AKAP9: variants seen among roughly 807,000 people sequenced by gnomAD.
AKAP9 encodes A-kinase anchoring protein 9, also known as A-kinase anchor protein 9.
A neutral mutation model predicts 488.5 loss-of-function variants in AKAP9; 311 were observed. That is an observed-to-expected ratio of 0.64 (90% CI 0.58 to 0.70). The LOEUF is 0.70. AKAP9 is among the 30% of genes least tolerant of loss of function. The pLI is 0.00. For missense variants in AKAP9, 4,215 were observed against 4,374.5 expected (o/e 0.96, Z 1.03); for synonymous variants, 1,462 against 1,483.5 (o/e 0.99, Z 0.33).
In AKAP9 at chr7:92,061,284, A is replaced by G; in HGVS notation, c.5626A>G (p.Thr1876Ala). ...SQLEHAKVTQ[T>A]ELMRESFRQK... ...GCTTGAACATGCGAAAGTGACACAG[A>G]CAGAGTTGATGCGTGAGTCATTTAG... The change falls in exon 23 of 50, where the codon ACA becomes GCA. Residue 1876 changes from threonine to alanine, a missense_variant. Thr to Ala is a moderately conservative substitution (Grantham distance 58). Transcript: ENST00000356239. 6.2e-7 allele frequency: 1 copy of G among 1,612,726 alleles called. No homozygotes were observed. Among genetic ancestry groups the G allele is most frequent in the Non-Finnish European group, 8.5e-7 (1 of 1,179,130 alleles).
rs1317491861 is a variant in AKAP9 at position 92,002,834 on chromosome 7, A to G, written c.2917A>G (p.Ile973Val). 3.7e-6 allele frequency: 6 copies of G among 1,613,528 alleles called. No homozygotes were observed. In the South Asian group the frequency reaches 6.6e-5, roughly 18 times the overall value. Residue 973 changes from isoleucine to valine, a missense_variant, in exon 8 of 50, where the codon ATT becomes GTT. Physicochemically the swap from Ile to Val is conservative, Grantham distance 29. Around this residue, in one of 5 missense-constraint regions of AKAP9, gnomAD observed 2,361 missense variants for 2,430.0 expected, o/e 0.97. Transcript: ENST00000356239. ...ACAATTGAAACAGAAACATGGTGAG[A>G]TTAGTTTTCTAAATGAAGAAGTTAA... The part of the protein sequence containing the change: ...SEQLKQKHGE[I>V]SFLNEEVKSL...
intron 20 of AKAP9, chr7:92,043,520 T>G (rs1261654500): frequency 1.2e-5 from 2 of 164,942 alleles, no homozygotes; most frequent in Admixed American, 6.6e-5. Context: ...AAAATGAGTA[T>G]TTTTTTTTAA....
chr7:92,041,073 A>AT, intron 18 of AKAP9, 175 bp downstream of exon 18: 1 of 586,382 alleles, frequency 1.7e-6, no homozygotes, highest in Non-Finnish European at 3.0e-6. Context: ...ACTCTATACT[A>AT]AGACAGCAGC....
At chr7:92,073,895 A>G (rs1356117384) in intron 28 of AKAP9, among the ~76,000 whole-genome samples, 1 of 152,194 alleles carries the variant, frequency 6.6e-6, no homozygotes, top group Non-Finnish European at 1.5e-5. Context: ...ATTAAAGACT[A>G]AGACCTAAAA....
chr7:92,039,755 A>G (rs1000336147), intron 17 of AKAP9, among the ~76,000 whole-genome samples: 2 of 152,196 alleles, frequency 1.3e-5, no homozygotes, highest in Non-Finnish European at 2.9e-5. Flanking sequence ...CAGGTGGATC[A>G]CTTGAGGTCA....
chr7:92,080,609 A>G (rs77863459), intron 31 of AKAP9, among the ~76,000 whole-genome samples: 18,164 of 151,354 alleles, frequency 0.12, 1,248 homozygotes, highest in East Asian at 0.37. Context: ...CAAAAAAAAA[A>G]AAGAAGAAGA....
At chr7:91,998,114 C>T (rs999291533) in intron 7 of AKAP9, among the ~76,000 whole-genome samples, 7 of 152,122 alleles carry the variant, frequency 4.6e-5, no homozygotes, top group African/African-American at 1.7e-4. Context: ...CTAGATCCTT[C>T]ACATGCACAG....
At chr7:92,033,010 A>C (rs1804544239) in intron 16 of AKAP9, among the ~76,000 whole-genome samples, 1 of 152,224 alleles carries the variant, frequency 6.6e-6, no homozygotes, top group African/African-American at 2.4e-5. Flanking sequence ...TTGGCTTAGT[A>C]GCAATTTTTA....
intron 38 of AKAP9, chr7:92,090,164 G>A (rs905536417): frequency 6.6e-6 from 1 of 152,100 alleles, no homozygotes; most frequent in African/African-American, 2.4e-5. Flanking sequence ...CAATCTGTAT[G>A]TATTTTTTAT....
intron 49 of AKAP9, chr7:92,109,049 GAAAAAAA>G (rs36114838): frequency 3.4e-5 from 6 of 176,290 alleles, no homozygotes; most frequent in Non-Finnish European, 5.6e-5. Flanking sequence ...CTGTCTCAAA[GAAAAAAA>G]AAAAAAAAAG....
chr7:92,024,199 G>T (rs1326994296), intron 14 of AKAP9, among the ~76,000 whole-genome samples: 2 of 151,498 alleles, frequency 1.3e-5, no homozygotes, highest in Non-Finnish European at 2.9e-5. Flanking sequence ...ATTACCTGAG[G>T]TTAGGAGTTC....
At chr7:92,045,296 GA>G in intron 21 of AKAP9, 83 bp downstream of exon 21, 6 of 1,354,994 alleles carry the variant, frequency 4.4e-6, no homozygotes, top group Non-Finnish European at 6.3e-6. Flanking sequence ...TGAAAATATA[GA>G]AGAGAAAATA....
intron 31 of AKAP9, 71 bp from the exon 32 acceptor site, chr7:92,082,451 T>C: frequency 6.6e-7 from 1 of 1,518,464 alleles, no homozygotes; most frequent in Non-Finnish European, 9.1e-7. Context: ...TTTATTAGAA[T>C]GTATAAGAGC....
At chr7:91,942,857 GC>G (rs1202607307) in intron 1 of AKAP9, among the ~76,000 whole-genome samples, 1 of 152,002 alleles carries the variant, frequency 6.6e-6, no homozygotes, top group Non-Finnish European at 1.5e-5. Context: ...TTAGAATTTA[GC>G]CCTTTTTCCA....
intron 1 of AKAP9, among the ~76,000 whole-genome samples, chr7:91,968,131 T>C (rs1159438359): frequency 1.3e-5 from 2 of 152,102 alleles, no homozygotes; most frequent in African/African-American, 4.8e-5. Flanking sequence ...AGAGACGAGG[T>C]TTTGCCATGT....
Position 92,110,385 on chromosome 7 carries a change from T to A in AKAP9, c.*226T>A. ...AATTATTGAATTACCTGTATATTTG[T>A]GGAATGCTAATTTAAAACATTAAAT... On this transcript the variant is annotated 3_prime_UTR_variant, in exon 50 of 50. Transcript: ENST00000356239. The A allele has an allele frequency of 3.7e-6, 2 of 539,946 alleles. No homozygotes were observed. 33.4% of individuals were successfully genotyped at this position (539,946 alleles called of 1,614,324 possible).
chr7:92,104,778 A>G (rs1266073923), intron 46 of AKAP9, among the ~76,000 whole-genome samples: 1 of 152,134 alleles, frequency 6.6e-6, no homozygotes, highest in Non-Finnish European at 1.5e-5. Flanking sequence ...CATTTCCTTC[A>G]TCACCTTGTA....
At chr7:92,061,199 G>T in intron 22 of AKAP9, 61 bp from the exon 23 acceptor site, 1 of 1,578,008 alleles carries the variant, frequency 6.3e-7, no homozygotes, top group South Asian at 1.1e-5. Flanking sequence ...CTTTAATAGG[G>T]AATGAAACTA....
intron 14 of AKAP9, among the ~76,000 whole-genome samples, chr7:92,028,101 G>A (rs550792053): frequency 2.6e-5 from 4 of 151,994 alleles, no homozygotes; most frequent in East Asian, 1.9e-4. Context: ...CAGCATGCTC[G>A]TTAAGAGTCA....
Sources: allele counts gnomAD v4.1 joint callset (sites outside exome capture counted in the v4.1 genomes callset), GRCh38; gene constraint gnomAD v4.1.1; regional missense constraint gnomAD v4.1.1; transcripts MANE v1.5; gene names NCBI Gene and HGNC (gene_info 2026-07-23, HGNC 2026-07-21).